The following ATP1B1 variants were observed in gnomAD, a reference collection of about 807,000 sequenced individuals.
The protein encoded by ATP1B1 is ATPase Na+/K+ transporting subunit beta 1, also known as sodium/potassium-transporting ATPase subunit beta-1.
A neutral mutation model predicts 39.6 loss-of-function variants in ATP1B1; 3 were observed. That is an observed-to-expected ratio of 0.08 (90% CI 0.03 to 0.20). The LOEUF is 0.20. ATP1B1 is among the 10% of genes least tolerant of loss of function. ATP1B1 has a pLI of 1.00. For missense variants in ATP1B1, 216 were observed against 371.1 expected (o/e 0.58, Z 3.43); for synonymous variants, 139 against 135.0 (o/e 1.03, Z -0.20).
chr1:169,120,868 C>CTGTTA (rs1657966266), intron 2 of ATP1B1, among the ~76,000 whole-genome samples: 1 of 152,110 alleles, frequency 6.6e-6, no homozygotes, highest in Non-Finnish European at 1.5e-5. Flanking sequence ...GCCAGTAGTA[C>CTGTTA]CACTTCATGT....
chr1:169,130,053 A>G lies in ATP1B1; in HGVS notation c.611A>G (p.Tyr204Cys). The change falls in exon 5 of 6, where the codon TAT becomes TGT. Residue 204 changes from tyrosine to cysteine, a missense_variant. Tyr to Cys is a radical substitution (Grantham distance 194). Coordinates refer to ENST00000367815, the MANE Select transcript of ATP1B1 (RefSeq NM_001677.4). ...TTGGAGACTTACCCAGTGATGAAGT[A>G]TAACCCAAATGTCCTTCCCGTTCAG... Reference protein sequence around the residue: ...ESLETYPVMKYNPNVLPVQCT... With the variant: ...ESLETYPVMKCNPNVLPVQCT... 6.2e-7 allele frequency: 1 copy of G among 1,614,112 alleles called. No homozygotes were observed. The highest frequency in any genetic ancestry group is 8.5e-7 in the Non-Finnish European group (1 of 1,179,986).
intron 2 of ATP1B1, among the ~76,000 whole-genome samples, chr1:169,123,368 A>G (rs1303469238): frequency 1.3e-5 from 2 of 151,538 alleles, no homozygotes; most frequent in East Asian, 1.9e-4. Flanking sequence ...CCCCTAAATG[A>G]TAGTGACATA....
At chr1:169,118,696 T>C (rs1286428067) in intron 2 of ATP1B1, among the ~76,000 whole-genome samples, 2 of 152,250 alleles carry the variant, frequency 1.3e-5, no homozygotes, top group African/African-American at 2.4e-5. Flanking sequence ...TGTGAGTATG[T>C]ATGAATTCAT....
chr1:169,107,383 C>T (rs1397777636), intron 1 of ATP1B1, among the ~76,000 whole-genome samples: 2 of 152,082 alleles, frequency 1.3e-5, no homozygotes, highest in Non-Finnish European at 2.9e-5. Context: ...TTCTTCTAGT[C>T]TAAATACGTA....
Position 169,106,836 on chromosome 1 carries a change from C to T in ATP1B1, c.7C>T (p.Arg3Cys), listed in dbSNP as rs11545852. 3.8e-6 allele frequency: 6 copies of T among 1,578,250 alleles called. No homozygotes were observed. Reference protein sequence around the residue: MARGKAKEEGSWK... With the variant: MACGKAKEEGSWK... ...CTGCTGACCCGCCATCGCCATGGCC[C>T]GCGGGAAAGCCAAGGAGGAGGGCAG... Residue 3 changes from arginine to cysteine, a missense_variant, in exon 1 of 6, where the codon CGC (arginine) becomes TGC (cysteine). Arg to Cys is a radical substitution (Grantham distance 180, BLOSUM62 -3). Transcript: ENST00000367815.
chr1:169,118,904 A>G (rs1456608321), intron 2 of ATP1B1, among the ~76,000 whole-genome samples: 7 of 152,212 alleles, frequency 4.6e-5, no homozygotes. Flanking sequence ...TATCAGATGT[A>G]TTAAATGACA....
intron 1 of ATP1B1, among the ~76,000 whole-genome samples, chr1:169,108,464 A>C (rs1263895903): frequency 6.6e-6 from 1 of 152,054 alleles, no homozygotes; most frequent in Non-Finnish European, 1.5e-5. Context: ...CCTTCTCCCC[A>C]GGTTAGCTGG....
chr1:169,122,414 A>G (rs895035942), intron 2 of ATP1B1, among the ~76,000 whole-genome samples: 17 of 152,162 alleles, frequency 1.1e-4, no homozygotes, highest in African/African-American at 4.1e-4. Flanking sequence ...TTGCTGTCTC[A>G]AGCATTAACT....
Position 169,125,052 on chromosome 1 carries a change from A to C in ATP1B1, c.382+13A>C. The C allele has an allele frequency of 6.3e-7, 1 of 1,589,768 alleles. No individual in the cohort carries two copies. Among genetic ancestry groups the C allele is most frequent in the South Asian group, 1.2e-5 (1 of 86,918 alleles). ...GAAGATTGTGGCGGTAAGTAGACTC[A>C]TTGTAGATGTCTGTGGCTAGTTTTC... On this transcript the variant is annotated intron_variant, in intron 3 of 5. Transcript: ENST00000367815.
intron 4 of ATP1B1, among the ~76,000 whole-genome samples, chr1:169,127,646 T>G (rs1187921375): frequency 6.6e-6 from 1 of 152,162 alleles, no homozygotes; most frequent in African/African-American, 2.4e-5. Context: ...CTGAAGTGAG[T>G]CTGTGGCCCT....
chr1:169,122,084 A>G (rs1461196403), intron 2 of ATP1B1, among the ~76,000 whole-genome samples: 2 of 152,080 alleles, frequency 1.3e-5, no homozygotes, highest in African/African-American at 2.4e-5. Flanking sequence ...TGACTCCCAA[A>G]CATCACACAG....
chr1:169,121,367 C>T (rs1188325063), intron 2 of ATP1B1, among the ~76,000 whole-genome samples: 1 of 152,158 alleles, frequency 6.6e-6, no homozygotes, highest in East Asian at 1.9e-4. Context: ...CTAGCCTTAT[C>T]ATTTTGTTAG....
chr1:169,111,434 C>T lies in ATP1B1; in HGVS notation c.162C>T (p.Ile54=). The T allele has an allele frequency of 6.2e-7, 1 of 1,614,186 alleles. No individual in the cohort carries two copies. The highest frequency in any genetic ancestry group is 1.3e-5 in the African/African-American group (1 of 75,044). ...TGGCTGGCATCTTCATCGGAACCAT[C>T]CAAGTGATGCTGCTCACCATCAGTG... ...GCLAGIFIGT[I]QVMLLTISEF... Residue 54 remains isoleucine, a synonymous_variant, in exon 2 of 6, where the codon ATC becomes ATT. Transcript: ENST00000367815.
At chr1:169,108,484 C>A (rs1028567592) in intron 1 of ATP1B1, among the ~76,000 whole-genome samples, 4 of 152,092 alleles carry the variant, frequency 2.6e-5, no homozygotes, top group Non-Finnish European at 5.9e-5. Context: ...GGGCTTCCTT[C>A]TCTGGTGGTC....
intron 2 of ATP1B1, among the ~76,000 whole-genome samples, chr1:169,123,995 T>A (rs1056658851): frequency 3.3e-5 from 5 of 152,188 alleles, no homozygotes; most frequent in Middle Eastern, 3.2e-3. Context: ...TATATTTTTT[T>A]AAAAAAATGT....
chr1:169,124,243 C>T (rs535050158), intron 2 of ATP1B1, among the ~76,000 whole-genome samples: 2 of 152,154 alleles, frequency 1.3e-5, no homozygotes, highest in Non-Finnish European at 2.9e-5. Context: ...ATCTGACCGG[C>T]ACTGACATGC....
chr1:169,132,290 A>T lies in ATP1B1; in HGVS notation c.*735A>T, dbSNP rs972244054. 3.7e-6 allele frequency: 2 copies of T among 534,204 alleles called. No individual in the cohort carries two copies. The highest frequency in any genetic ancestry group is 6.7e-6 in the Non-Finnish European group (2 of 297,116). 33.1% of individuals were successfully genotyped at this position (534,204 alleles called of 1,614,324 possible). A position where few individuals can be genotyped will look rare whatever the true frequency, so the allele number is the denominator to read the frequency against. ...CTTGCCTTGTCCTCCGGTATGTTCT[A>T]AAGCTGTGTCTGAGATCTGGATCTG... On this transcript the variant is annotated 3_prime_UTR_variant, in exon 6 of 6. Transcript: ENST00000367815.
intron 2 of ATP1B1, among the ~76,000 whole-genome samples, chr1:169,119,675 A>C (rs1657931298): frequency 4.6e-5 from 7 of 152,168 alleles, no homozygotes; most frequent in Admixed American, 4.6e-4. Context: ...TGTGGCCTCA[A>C]AATGCAGATG....
intron 1 of ATP1B1, among the ~76,000 whole-genome samples, chr1:169,109,335 A>G (rs1388315348): frequency 1.3e-5 from 2 of 152,156 alleles, no homozygotes; most frequent in Admixed American, 1.3e-4. Flanking sequence ...CTCCCCTCAC[A>G]GTGCCACCCC....
Sources: gnomAD v4.1 joint callset for allele counts (sites outside exome capture counted in the v4.1 genomes callset) on GRCh38, gnomAD v4.1.1 for gene constraint, MANE v1.5 for transcripts, NCBI Gene and HGNC (gene_info 2026-07-23, HGNC 2026-07-21) for gene names.